Variants in CLIC5 observed in about 807,000 individuals in gnomAD.
CLIC5 encodes CLIC family member 5, also known as chloride intracellular channel protein 5.
CLIC5 carries 20 observed loss-of-function variants against 24.7 expected under a neutral mutation model. That is an observed-to-expected ratio of 0.81 (90% CI 0.57 to 1.18). CLIC5 has a LOEUF of 1.18. CLIC5 is among the 50% of genes most tolerant of loss of function. The pLI is 0.00. For synonymous variants in CLIC5, 159 were observed against 135.6 expected, an observed-to-expected ratio of 1.17 and a Z score of -1.20; for missense variants, 341 against 326.1, an observed-to-expected ratio of 1.05 and a Z score of -0.35.
At chr6:45,915,299 A>T (rs577482508) in intron 4 of CLIC5, among the ~76,000 whole-genome samples, 2 of 152,282 alleles carry the variant, frequency 1.3e-5, no homozygotes, top group East Asian at 3.9e-4. Context: ...CCTACATATT[A>T]CATTTTTAGG....
intron 4 of CLIC5, among the ~76,000 whole-genome samples, chr6:45,917,114 T>C (rs961727773): frequency 6.6e-6 from 1 of 152,204 alleles, no homozygotes; most frequent in Non-Finnish European, 1.5e-5. Context: ...TATTGGTACT[T>C]ATTGTATTGC....
intron 4 of CLIC5, among the ~76,000 whole-genome samples, chr6:45,926,183 A>C (rs1027971949): frequency 9.3e-5 from 14 of 150,876 alleles, no homozygotes; most frequent in African/African-American, 3.4e-4. Flanking sequence ...ACATATATAC[A>C]CACACACACA....
intron 1 of CLIC5, among the ~76,000 whole-genome samples, chr6:45,991,777 G>C (rs775157120): frequency 6.6e-6 from 1 of 152,128 alleles, no homozygotes; most frequent in Non-Finnish European, 1.5e-5. Flanking sequence ...TGAGCAGAGG[G>C]TTGCTATAGT....
intron 1 of CLIC5, among the ~76,000 whole-genome samples, chr6:46,039,571 T>C (rs1767751577): frequency 6.6e-6 from 1 of 152,040 alleles, no homozygotes; most frequent in Admixed American, 6.5e-5. Flanking sequence ...AAAATAAGCA[T>C]ATTATTTTCA....
At chr6:46,006,015 TAC>T (rs370744621) in intron 1 of CLIC5, among the ~76,000 whole-genome samples, 2 of 137,984 alleles carry the variant, frequency 1.4e-5, no homozygotes, top group African/African-American at 2.7e-5. Flanking sequence ...TATATATATA[TAC>T]ACACATGTAT....
At chr6:45,951,987 C>A (rs927483003) in intron 2 of CLIC5, among the ~76,000 whole-genome samples, 11 of 152,154 alleles carry the variant, frequency 7.2e-5, no homozygotes, top group African/African-American at 2.4e-4. Flanking sequence ...CCTTTATTTA[C>A]TTTGTGCATG....
At chr6:46,119,407 C>A in the CLIC5 span, among the ~76,000 whole-genome samples, 2 of 152,174 alleles carry the variant, frequency 1.3e-5, no homozygotes, top group African/African-American at 2.4e-5. Context: ...TATTTAGATA[C>A]AAGTAGTAGA....
intron 1 of CLIC5, among the ~76,000 whole-genome samples, chr6:46,010,265 T>C (rs1436632629): frequency 6.6e-6 from 1 of 152,308 alleles, no homozygotes; most frequent in Admixed American, 6.5e-5. Flanking sequence ...TTGGGCTACA[T>C]GGAGCCTACA....
the CLIC5 span, among the ~76,000 whole-genome samples, chr6:46,086,229 C>T: frequency 1.2e-4 from 19 of 152,248 alleles, no homozygotes; most frequent in African/African-American, 3.9e-4. Context: ...TGCTTCGGCT[C>T]GTGCACGGTG....
At chr6:45,881,135 T>C in exon 7 of CLIC5, 1 of 398,418 alleles carries the variant, frequency 2.5e-6, no homozygotes, top group Admixed American at 4.4e-5. Context: ...TCCCCATTTC[T>C]TCTGCTTGCT....
chr6:46,078,166 C>A (rs9381420), intron 1 of CLIC5, among the ~76,000 whole-genome samples: 1 of 151,974 alleles, frequency 6.6e-6, no homozygotes, highest in Non-Finnish European at 1.5e-5. Flanking sequence ...TTGAGACCAG[C>A]CTGGCCAACA....
chr6:46,080,736 T>C (rs971839425), upstream of CLIC5, among the ~76,000 whole-genome samples: 1 of 152,178 alleles, frequency 6.6e-6, no homozygotes, highest in African/African-American at 2.4e-5. Context: ...ATTTATCACA[T>C]AGAACAATTA....
intron 1 of CLIC5, chr6:46,014,204 G>T (rs1766909964): frequency 6.6e-6 from 1 of 152,230 alleles, no homozygotes; most frequent in South Asian, 2.1e-4. Flanking sequence ...TTTGTGGTAG[G>T]CTGGGACAAC....
intron 1 of CLIC5, among the ~76,000 whole-genome samples, chr6:46,038,512 T>C (rs578260633): frequency 6.6e-6 from 1 of 152,232 alleles, no homozygotes; most frequent in Admixed American, 6.5e-5. Context: ...AAAGTCAACA[T>C]GTAAGAGCCA....
chr6:45,945,842 C>T (rs1399812158), intron 3 of CLIC5, among the ~76,000 whole-genome samples: 1 of 152,180 alleles, frequency 6.6e-6, no homozygotes, highest in Admixed American at 6.5e-5. Flanking sequence ...AGTTGTCTTC[C>T]AATTCTGTCA....
intron 5 of CLIC5, among the ~76,000 whole-genome samples, chr6:45,906,492 G>A (rs1762662362): frequency 6.6e-6 from 1 of 151,266 alleles, no homozygotes; most frequent in Non-Finnish European, 1.5e-5. Context: ...ATAAATTGGA[G>A]TATGTTCTTG....
chr6:45,989,528 A>T (rs964689534), intron 1 of CLIC5, among the ~76,000 whole-genome samples: 4 of 152,194 alleles, frequency 2.6e-5, no homozygotes, highest in Non-Finnish European at 5.9e-5. Context: ...CAGTATCTCC[A>T]GTGCTGCCCT....
At chr6:46,025,867 TC>T (rs1251893261) in intron 1 of CLIC5, among the ~76,000 whole-genome samples, 1 of 152,098 alleles carries the variant, frequency 6.6e-6, no homozygotes, top group East Asian at 1.9e-4. Flanking sequence ...CTGTGGCACT[TC>T]CCCCTTTGTT....
chr6:45,987,418 ACAG>A (rs1765780068), intron 1 of CLIC5, among the ~76,000 whole-genome samples: 1 of 152,174 alleles, frequency 6.6e-6, no homozygotes, highest in Non-Finnish European at 1.5e-5. Context: ...TGCCTTATAG[ACAG>A]ATGAAATCCA....
Sources: gnomAD v4.1 joint callset for allele counts (sites outside exome capture counted in the v4.1 genomes callset) on GRCh38, gnomAD v4.1.1 for gene constraint, MANE v1.5 for transcripts, NCBI Gene and HGNC (gene_info 2026-07-23, HGNC 2026-07-21) for gene names.